The following UNC5D variants were observed in gnomAD, a reference collection of about 807,000 sequenced individuals.
UNC5D encodes the protein netrin receptor UNC5D.
UNC5D carries 39 observed loss-of-function variants against 105.4 expected under a neutral mutation model. That is an observed-to-expected ratio of 0.37 (90% CI 0.29 to 0.48). The LOEUF is 0.48. Ranked by LOEUF, UNC5D falls within the 20% of genes least tolerant of loss-of-function variation. The pLI is 0.98. For missense variants in UNC5D, 991 were observed against 1,202.4 expected (o/e 0.82, Z 2.60); for synonymous variants, 452 against 450.4 (o/e 1.00, Z -0.04).
intron 1 of UNC5D, among the ~76,000 whole-genome samples, chr8:35,327,366 G>A (rs528076396): frequency 1.3e-5 from 2 of 152,240 alleles, no homozygotes; most frequent in East Asian, 3.9e-4. Context: ...TTCCCACATT[G>A]CATGTTTGTT....
At chr8:35,453,092 T>C (rs1033308880) in intron 1 of UNC5D, among the ~76,000 whole-genome samples, 3 of 152,172 alleles carry the variant, frequency 2.0e-5, no homozygotes, top group Non-Finnish European at 4.4e-5. Context: ...AGCCTCTTTT[T>C]TGAATGCCCA....
intron 8 of UNC5D, 31 bp from the exon 9 acceptor site, chr8:35,722,179 G>C: frequency 6.2e-7 from 1 of 1,604,420 alleles, no homozygotes; most frequent in South Asian, 1.1e-5. Flanking sequence ...TGCCCATGCT[G>C]GTCACTTACA....
intron 1 of UNC5D, among the ~76,000 whole-genome samples, chr8:35,485,120 G>T (rs1386053055): frequency 6.6e-6 from 1 of 152,102 alleles, no homozygotes; most frequent in Non-Finnish European, 1.5e-5. Flanking sequence ...AGGAACCCAA[G>T]AACTCAGGAG....
Position 35,612,848 on chromosome 8 carries a change from G to T in UNC5D, c.570+17191G>T, listed in dbSNP as rs371041234. 2.3e-4 allele frequency among the ~76,000 whole-genome samples: 34 copies of T among 145,298 alleles called. No homozygotes were observed. In the East Asian group the frequency reaches 6.9e-3, roughly 30 times the overall value. On this transcript the variant is annotated intron_variant, in intron 4 of 16. Coordinates refer to ENST00000404895, the MANE Select transcript of UNC5D (RefSeq NM_080872.4). ...ATGGATATCTGTCATGTTTTCCAAT[G>T]TTTGGGGAATTTCTTTTTAAGTTTC...
intron 8 of UNC5D, among the ~76,000 whole-genome samples, chr8:35,709,356 A>G (rs1282027261): frequency 6.6e-6 from 1 of 152,158 alleles, no homozygotes; most frequent in Non-Finnish European, 1.5e-5. Context: ...GGTTAGAGTG[A>G]GTGATGCTTT....
intron 1 of UNC5D, among the ~76,000 whole-genome samples, chr8:35,300,684 C>T (rs1807887855): frequency 6.6e-6 from 1 of 152,030 alleles, no homozygotes; most frequent in Admixed American, 6.6e-5. Context: ...TTAGAAGATG[C>T]ATAAACAAAT....
chr8:35,670,879 T>A (rs1824748676), intron 4 of UNC5D, among the ~76,000 whole-genome samples: 1 of 152,148 alleles, frequency 6.6e-6, no homozygotes, highest in Non-Finnish European at 1.5e-5. Flanking sequence ...AATAAAAAGA[T>A]GGCAGAATTT....
At position 35,549,366 on chromosome 8, in the gene UNC5D, C is replaced by T; in HGVS notation, c.178C>T (p.Pro60Ser). 2 of 1,613,508 alleles carry T rather than the reference C, an allele frequency of 1.2e-6. No individual in the cohort carries two copies. Among genetic ancestry groups the T allele is most frequent in the Non-Finnish European group, 1.7e-6 (2 of 1,180,014 alleles). ...GACACTGCCTCATTTCATAGAGGAG[C>T]CAGATGATGCTTATATTATCAAGAG... Reference protein sequence around the residue: ...PGTLPHFIEEPDDAYIIKSNP... With the variant: ...PGTLPHFIEESDDAYIIKSNP... The change falls in exon 2 of 17, where the codon CCA becomes TCA. Residue 60 changes from proline (P) to serine (S), a missense_variant. Physicochemically the swap from Pro to Ser is moderately conservative, Grantham distance 74. This residue lies in a region of UNC5D where 944 missense variants were observed against 1,131.6 expected (regional missense o/e 0.83). Coordinates refer to ENST00000404895, the MANE Select transcript of UNC5D (RefSeq NM_080872.4).
chr8:35,422,789 A>G (rs1224768253), intron 1 of UNC5D, among the ~76,000 whole-genome samples: 2 of 152,200 alleles, frequency 1.3e-5, no homozygotes, highest in Non-Finnish European at 2.9e-5. Context: ...CATGTGAGGT[A>G]TGTGGTATTT....
At chr8:35,443,180 A>G (rs1807551983) in intron 1 of UNC5D, among the ~76,000 whole-genome samples, 1 of 151,878 alleles carries the variant, frequency 6.6e-6, no homozygotes, top group African/African-American at 2.4e-5. Flanking sequence ...TTAATGTACT[A>G]AGAACACTGT....
intron 2 of UNC5D, among the ~76,000 whole-genome samples, chr8:35,560,998 T>C (rs1738727782): frequency 1.3e-5 from 2 of 152,206 alleles, no homozygotes; most frequent in Admixed American, 6.5e-5. Flanking sequence ...CCCTTGTTTA[T>C]GCTTTCCAAA....
intron 1 of UNC5D, among the ~76,000 whole-genome samples, chr8:35,426,465 C>A (rs1185759952): frequency 5.9e-5 from 9 of 152,242 alleles, no homozygotes; most frequent in African/African-American, 2.2e-4. Flanking sequence ...CATCATGACA[C>A]CTTTAGTATT....
At chr8:35,549,975 A>G (rs1992252) in intron 2 of UNC5D, among the ~76,000 whole-genome samples, 20,042 of 116,058 alleles carry the variant, frequency 0.17, 1,853 homozygotes, top group Admixed American at 0.29. Flanking sequence ...TTTTTTGACT[A>G]TGGTGTAATG....
chr8:35,746,194 G>T (rs1225388207), intron 11 of UNC5D, among the ~76,000 whole-genome samples: 1 of 152,184 alleles, frequency 6.6e-6, no homozygotes, highest in Non-Finnish European at 1.5e-5. Flanking sequence ...GAGCCTGTGA[G>T]TGAGAAATTT....
intron 7 of UNC5D, among the ~76,000 whole-genome samples, chr8:35,690,527 G>T (rs555812125): frequency 1.3e-5 from 2 of 152,306 alleles, no homozygotes; most frequent in East Asian, 3.9e-4. Flanking sequence ...AGTCCCAGCT[G>T]CTCTGGAAGC....
rs546629766 is a variant in UNC5D, at chr8:35,560,829, AC to A, written c.323-7268del. On this transcript the variant is annotated intron_variant, in intron 2 of 16. Coordinates refer to ENST00000404895, the MANE Select transcript of UNC5D (RefSeq NM_080872.4). Reference sequence around the variant, plus strand: ...TTATATGCACTTTGCTCTGCTGATCACATGGGGAGCCTCTGCTGGTAACTGG... The same window carrying A: ...TTATATGCACTTTGCTCTGCTGATCAATGGGGAGCCTCTGCTGGTAACTGG... Among the ~76,000 whole-genome samples the A allele has an allele frequency of 1.5e-4, 23 of 152,314 alleles. 1 individual carries two copies. The East Asian group carries it at 1.9e-3, about 13-fold the overall frequency.
chr8:35,584,732 A>G (rs1818674247), intron 3 of UNC5D, among the ~76,000 whole-genome samples: 1 of 151,958 alleles, frequency 6.6e-6, no homozygotes, highest in Non-Finnish European at 1.5e-5. Flanking sequence ...ATTACAAGCA[A>G]AAGACACCAT....
At chr8:35,597,677 C>T (rs1294065958) in intron 4 of UNC5D, among the ~76,000 whole-genome samples, 3 of 152,082 alleles carry the variant, frequency 2.0e-5, no homozygotes, top group Admixed American at 6.6e-5. Context: ...GTAGGAACTT[C>T]GCATACTCTA....
chr8:35,512,824 G>A (rs1812846541), intron 1 of UNC5D, among the ~76,000 whole-genome samples: 1 of 151,524 alleles, frequency 6.6e-6, no homozygotes, highest in South Asian at 2.1e-4. Context: ...TCAAATTATG[G>A]AGATGAGGTT....
Sources: allele counts gnomAD v4.1 joint callset (sites outside exome capture counted in the v4.1 genomes callset), GRCh38; gene constraint gnomAD v4.1.1; regional missense constraint gnomAD v4.1.1; transcripts MANE v1.5; gene names NCBI Gene and HGNC (gene_info 2026-07-23, HGNC 2026-07-21).